Variants in IPO11 observed in about 807,000 individuals in gnomAD.
The protein encoded by IPO11 is importin 11.
IPO11 carries 66 observed loss-of-function variants against 143.2 expected under a neutral mutation model. The ratio of observed to expected loss-of-function variants is 0.46; its 90% confidence interval spans 0.38 to 0.57. The LOEUF (loss-of-function observed/expected upper bound fraction) is 0.57, where lower values mean the gene tolerates loss of function less well. Among genes scored for constraint, IPO11 ranks in the 20% least tolerant of loss-of-function variants. The probability of loss-of-function intolerance (pLI) is 0.00; values close to 1 mark genes in which losing one functional copy is unlikely to be tolerated. For synonymous variants in IPO11, 385 were observed against 377.8 expected, an observed-to-expected ratio of 1.02 and a Z score of -0.22; for missense variants, 1,026 against 1,141.0, an observed-to-expected ratio of 0.90 and a Z score of 1.45.
intron 1 of IPO11, among the ~76,000 whole-genome samples, chr5:62,414,909 G>T (rs954628365): frequency 5.3e-5 from 8 of 152,120 alleles, no homozygotes; most frequent in African/African-American, 1.9e-4. Flanking sequence ...ATGAAACTGA[G>T]GCCCAGAAAG....
chr5:62,469,300 C>A (rs1268447375), intron 6 of IPO11, among the ~76,000 whole-genome samples: 1 of 152,172 alleles, frequency 6.6e-6, no homozygotes, highest in Non-Finnish European at 1.5e-5. Context: ...GCAGCAACTT[C>A]TGAGTTGCAT....
At chr5:62,517,862 T>A (rs1293883105) in intron 20 of IPO11, among the ~76,000 whole-genome samples, 1 of 152,224 alleles carries the variant, frequency 6.6e-6, no homozygotes, top group East Asian at 1.9e-4. Flanking sequence ...TCATGACATT[T>A]AAGTACCCTG....
chr5:62,516,783 A>G (rs1451540295), intron 20 of IPO11, among the ~76,000 whole-genome samples: 1 of 152,164 alleles, frequency 6.6e-6, no homozygotes, highest in Non-Finnish European at 1.5e-5. Flanking sequence ...TGAATATATT[A>G]AATACATTCA....
chr5:62,574,976 T>C (rs1191761741), intron 27 of IPO11, among the ~76,000 whole-genome samples: 1 of 152,230 alleles, frequency 6.6e-6, no homozygotes. Flanking sequence ...TTCTCATAAA[T>C]AGATTTGCAG....
At position 62,586,768 on chromosome 5, in the gene IPO11, A is replaced by AAAAAAT. The variant is rs1554057003; in HGVS notation, c.2583-4808_2583-4807insAAAATA. Among the ~76,000 whole-genome samples the AAAAAAT allele has an allele frequency of 1.7e-3, 50 of 28,908 alleles. 1 individual carries two copies. The highest frequency in any genetic ancestry group is 6.5e-3 in the African/African-American group (49 of 7,526). 19.0% of individuals were successfully genotyped at this position (28,908 alleles called of 152,430 possible). A position where few individuals can be genotyped will look rare whatever the true frequency, so the allele number is the denominator to read the frequency against. On this transcript the variant is annotated intron_variant, in intron 27 of 29. Coordinates refer to ENST00000325324, the MANE Select transcript of IPO11 (RefSeq NM_016338.5). Reference sequence around the variant, plus strand: ...CTCAGTCTCCAAAAAAAAAAAAAAAAATATATATATATATATATATATATA... The same window carrying AAAAAAT: ...CTCAGTCTCCAAAAAAAAAAAAAAAAAAAAATATATATATATATATATATATATATA...
intron 29 of IPO11, among the ~76,000 whole-genome samples, chr5:62,603,205 A>G (rs1239057040): frequency 2.0e-5 from 3 of 152,238 alleles, no homozygotes; most frequent in African/African-American, 4.8e-5. Flanking sequence ...AATATTTAAC[A>G]TTGAAGTAAG....
intron 27 of IPO11, among the ~76,000 whole-genome samples, chr5:62,587,459 C>G (rs1169796980): frequency 6.6e-6 from 1 of 151,768 alleles, no homozygotes; most frequent in Non-Finnish European, 1.5e-5. Context: ...AGGCTGTATC[C>G]TGGAAAATAT....
intron 21 of IPO11, among the ~76,000 whole-genome samples, chr5:62,529,937 A>T (rs2112311708): frequency 6.6e-6 from 1 of 152,218 alleles, no homozygotes. Flanking sequence ...GTTGCACTAA[A>T]CCTTCCATGT....
chr5:62,458,739 G>A (rs1032005545), intron 5 of IPO11, among the ~76,000 whole-genome samples: 2 of 152,182 alleles, frequency 1.3e-5, no homozygotes, highest in Non-Finnish European at 2.9e-5. Context: ...GAACTTTTTG[G>A]TGGGAAGTTA....
At chr5:62,435,156 A>G (rs1416940134) in intron 1 of IPO11, among the ~76,000 whole-genome samples, 1 of 118,214 alleles carries the variant, frequency 8.5e-6, no homozygotes, top group Non-Finnish European at 1.7e-5. Flanking sequence ...ATATATGTAT[A>G]TATATGTATA....
Position 62,449,916 on chromosome 5 carries a change from T to A in IPO11, c.240-11T>A. On this transcript the variant is annotated splice_polypyrimidine_tract_variant and intron_variant, in intron 3 of 29. Coordinates refer to ENST00000325324, the MANE Select transcript of IPO11 (RefSeq NM_016338.5). ...TTCTTTTGCATAATCAATACTTTTT[T>A]TTTTTTACAGTGCTCTCTCAGAGGA... 6.5e-7 allele frequency: 1 copy of A among 1,548,108 alleles called. No homozygotes were observed. The highest frequency in any genetic ancestry group is 8.7e-7 in the Non-Finnish European group (1 of 1,148,630).
intron 19 of IPO11, among the ~76,000 whole-genome samples, chr5:62,514,264 G>C (rs960983746): frequency 2.6e-5 from 4 of 151,348 alleles, no homozygotes; most frequent in African/African-American, 9.7e-5. Flanking sequence ...AGGCCATAGC[G>C]AGCCGAGATC....
chr5:62,509,520 C>T (rs1741675336), intron 19 of IPO11, among the ~76,000 whole-genome samples: 2 of 152,180 alleles, frequency 1.3e-5, no homozygotes, highest in African/African-American at 4.8e-5. Context: ...AACATGAGAT[C>T]CATCCTCTTA....
intron 1 of IPO11, among the ~76,000 whole-genome samples, chr5:62,425,574 T>A (rs1200518826): frequency 6.6e-6 from 1 of 152,148 alleles, no homozygotes; most frequent in Non-Finnish European, 1.5e-5. Context: ...CGCCCCGGCC[T>A]CCTAAAGTGC....
At chr5:62,463,000 A>ATACATGTATATG in intron 5 of IPO11, among the ~76,000 whole-genome samples, 1 of 151,910 alleles carries the variant, frequency 6.6e-6, no homozygotes, top group Non-Finnish European at 1.5e-5. Context: ...TTACACACAT[A>ATACATGTATATG]TATTACTTAT....
At chr5:62,557,901 C>T (rs761570128) in intron 26 of IPO11, among the ~76,000 whole-genome samples, 2 of 152,202 alleles carry the variant, frequency 1.3e-5, no homozygotes, top group Admixed American at 6.5e-5. Context: ...TGCCTTCTCT[C>T]CTCAGGCTTT....
chr5:62,533,811 T>C (rs1742638936), intron 22 of IPO11, among the ~76,000 whole-genome samples: 1 of 152,104 alleles, frequency 6.6e-6, no homozygotes, highest in Non-Finnish European at 1.5e-5. Context: ...AAATAAAAGT[T>C]AGCCGGCCTT....
chr5:62,430,466 G>A (rs982589837), intron 1 of IPO11, among the ~76,000 whole-genome samples: 12 of 151,940 alleles, frequency 7.9e-5, no homozygotes, highest in African/African-American at 1.7e-4. Flanking sequence ...GACCACAGGC[G>A]TGTGCCATCA....
At chr5:62,455,291 G>T (rs1473411452) in intron 5 of IPO11, among the ~76,000 whole-genome samples, 1 of 152,160 alleles carries the variant, frequency 6.6e-6, no homozygotes, top group Non-Finnish European at 1.5e-5. Context: ...AGGCCGTGGT[G>T]GGCAGATCAC....
Sources: gnomAD v4.1 joint callset for allele counts (sites outside exome capture counted in the v4.1 genomes callset) on GRCh38, gnomAD v4.1.1 for gene constraint, MANE v1.5 for transcripts, NCBI Gene and HGNC (gene_info 2026-07-23, HGNC 2026-07-21) for gene names.